Variants in TNXB observed in about 807,000 individuals in gnomAD.
TNXB encodes tenascin-X.
Under a neutral mutation model 340.5 loss-of-function variants are expected in TNXB, and 183 were observed. The ratio of observed to expected loss-of-function variants is 0.54; its 90% CI spans 0.48 to 0.61. The LOEUF (loss-of-function observed/expected upper bound fraction) is 0.61, where lower values mean the gene tolerates loss of function less well. TNXB is among the 20% of genes least tolerant of loss of function. TNXB has a pLI of 0.00. For missense variants in TNXB, 4,613 were observed against 5,446.4 expected, an observed-to-expected ratio of 0.85 and a Z score of 4.82; for synonymous variants, 2,121 against 2,314.5, an observed-to-expected ratio of 0.92 and a Z score of 2.40.
rs1240547018 is a variant in TNXB, at chr6:32,061,560, C to G, written c.7329G>C (p.Val2443=). The change falls in exon 21 of 44, where the codon GTG becomes GTC. Residue 2443 remains valine (V), a synonymous_variant. Transcript: ENST00000644971. This position sits in a 1 kb window ranked among gnomAD's most constrained non-coding sequence, Gnocchi z 4.4. ...VPQGRFDSFT[V]QYKDRDGRPQ... ...GCCGCCCGTCCCTGTCCTTGTACTG[C>G]ACGGTGAAGGAGTCGAAGCGGCCCT... 2.5e-6 allele frequency: 4 copies of G among 1,613,372 alleles called. No homozygotes were observed. In the African/African-American group the frequency reaches 5.3e-5, roughly 22 times the overall value.
chr6:32,071,526 C>T (rs1778770469), intron 13 of TNXB, among the ~76,000 whole-genome samples: 1 of 151,968 alleles, frequency 6.6e-6, no homozygotes, highest in East Asian at 1.9e-4. Flanking sequence ...GACAGCAGAC[C>T]CAGGAACTGG....
rs377701017 is a variant in TNXB at position 32,098,101 on chromosome 6, G to A, written c.98C>T (p.Thr33Ile). The A allele has an allele frequency of 3.7e-6, 6 of 1,604,470 alleles. No homozygotes were observed. Among genetic ancestry groups the A allele is most frequent in the Non-Finnish European group, 4.3e-6 (5 of 1,176,426 alleles). Residue 33 changes from threonine (T) to isoleucine (I), a missense_variant, in exon 2 of 44, where the codon ACA becomes ATA. This residue lies in a region of TNXB where 4,327 missense variants were observed against 4,859.4 expected (regional missense o/e 0.89). Transcript: ENST00000644971. Reference protein sequence around the residue: ...AGPFSSRSNVTLPAPRPPPQP... With the variant: ...AGPFSSRSNVILPAPRPPPQP... ...GGGAGGGGGCCGGGGGGCTGGCAGT[G>A]TCACATTGGACCGTGAAGAGAAGGG...
chr6:32,069,513 C>CT lies in TNXB; in HGVS notation c.5587+39_5587+40insA. ...GCTCAGTCAGACCAGGAGAGCCAGG[C>CT]GGGAAGGAGGCACAGGTGTTCCAGC... On this transcript the variant is annotated intron_variant, in intron 15 of 43. Coordinates refer to ENST00000644971, the MANE Select transcript of TNXB (RefSeq NM_001365276.2). This position sits in a 1 kb window ranked among gnomAD's most constrained non-coding sequence, Gnocchi z 6.2. 6.6e-7 allele frequency: 1 copy of CT among 1,515,556 alleles called. No individual in the cohort carries two copies. Among genetic ancestry groups the CT allele is most frequent in the Non-Finnish European group, 8.8e-7 (1 of 1,130,392 alleles). 93.9% of individuals were successfully genotyped at this position (1,515,556 alleles called of 1,614,324 possible).
Position 32,048,701 on chromosome 6 carries a change from G to A in TNXB, c.9758-51C>T, listed in dbSNP as rs1240040594. The A allele has an allele frequency of 8.0e-6, 11 of 1,375,016 alleles. No homozygotes were observed. In the South Asian group the frequency reaches 2.3e-4, roughly 28 times the overall value. 85.2% of individuals were successfully genotyped at this position (1,375,016 alleles called of 1,614,324 possible). A position where few individuals can be genotyped will look rare whatever the true frequency, so the allele number is the denominator to read the frequency against. ...GGTCAGGAGGCAGGACCCTGCGCAA[G>A]GGAGGCAGTGCTCTCCCAGGACTGG... On this transcript the variant is annotated intron_variant, in intron 28 of 43. Coordinates refer to ENST00000644971, the MANE Select transcript of TNXB (RefSeq NM_001365276.2).
chr6:32,049,202 A>C lies in TNXB; in HGVS notation c.9757+68T>G. The C allele has an allele frequency of 6.6e-7, 1 of 1,525,458 alleles. No individual in the cohort carries two copies. The highest frequency in any genetic ancestry group is 8.8e-7 in the Non-Finnish European group (1 of 1,136,534). 94.5% of individuals were successfully genotyped at this position (1,525,458 alleles called of 1,614,324 possible). A position where few individuals can be genotyped will look rare whatever the true frequency, so the allele number is the denominator to read the frequency against. On this transcript the variant is annotated intron_variant, in intron 28 of 43. Coordinates refer to ENST00000644971, the MANE Select transcript of TNXB (RefSeq NM_001365276.2). The surrounding 1 kb of genome is among the most constrained non-coding windows in gnomAD (Gnocchi z 4.5). ...AGGCCCAGTCAAAAGAGGTGCCAAG[A>C]TCCAAAGGAGAAACACAAGGGGGCT...
rs371383086 is a variant in TNXB, at chr6:32,058,629, CAT to C, written c.7493-241_7493-240del. Among the ~76,000 whole-genome samples the C allele has an allele frequency of 6.2e-3, 946 of 151,996 alleles. 21 individuals carry two copies. The highest frequency in any genetic ancestry group is 0.019 in the South Asian group (90 of 4,824). On this transcript the variant is annotated intron_variant, in intron 21 of 43. Transcript: ENST00000644971. This position sits in a 1 kb window ranked among gnomAD's most constrained non-coding sequence, Gnocchi z 5.1. ...AGAAACCTCCAGAAGGCAACTGAGACATAGTGTCAGGAGCCAAAGTAATTCTC... is the reference window on the plus strand; with the variant it reads ...AGAAACCTCCAGAAGGCAACTGAGACAGTGTCAGGAGCCAAAGTAATTCTC...
chr6:32,049,291 C>T lies in TNXB; in HGVS notation c.9736G>A (p.Val3246Met), dbSNP rs550641419. Reference sequence around the variant, plus strand: ...TCACCCGTGATGCCCACGGTGGACACTGGGCCCACGCGCTGCCCCTCGTGG... The same window carrying T: ...TCACCCGTGATGCCCACGGTGGACATTGGGCCCACGCGCTGCCCCTCGTGG... ...GLHEGQRVGP[V>M]STVGITAPLP... The change falls in exon 28 of 44, where the codon GTG (valine) becomes ATG (methionine). Residue 3246 changes from valine to methionine, a missense_variant. Around this residue, in one of 7 missense-constraint regions of TNXB, gnomAD observed 4,327 missense variants for 4,859.4 expected, o/e 0.89. Transcript: ENST00000644971. This position sits in a 1 kb window ranked among gnomAD's most constrained non-coding sequence, Gnocchi z 4.5. The T allele has an allele frequency of 1.2e-6, 2 of 1,611,842 alleles. No homozygotes were observed. Among genetic ancestry groups the T allele is most frequent in the African/African-American group, 2.7e-5 (2 of 75,002 alleles).
At chr6:32,102,692 C>T (rs1290571414) in intron 1 of TNXB, among the ~76,000 whole-genome samples, 2 of 151,878 alleles carry the variant, frequency 1.3e-5, no homozygotes, top group East Asian at 1.9e-4. Context: ...GAAGCCGAGG[C>T]GGGCGGATCA....
intron 29 of TNXB, 137 bp from the exon 30 acceptor site, chr6:32,048,149 C>A (rs1777021131): frequency 2.5e-6 from 3 of 1,221,186 alleles, no homozygotes; most frequent in South Asian, 1.5e-5. Flanking sequence ...AAAAGAGGAG[C>A]CAGACAAGAA....
Position 32,047,875 on chromosome 6 carries a change from G to A in TNXB, c.10183C>T (p.Arg3395Trp), listed in dbSNP as rs762744408. The change falls in exon 30 of 44, where the codon CGG becomes TGG. Residue 3395 changes from arginine to tryptophan, a missense_variant. Around this residue, in one of 7 missense-constraint regions of TNXB, gnomAD observed 4,327 missense variants for 4,859.4 expected, o/e 0.89. Coordinates refer to ENST00000644971, the MANE Select transcript of TNXB (RefSeq NM_001365276.2). This position sits in a 1 kb window ranked among gnomAD's most constrained non-coding sequence, Gnocchi z 6.2. ...GCTGCCACCGGCACCACCTGGAGCCGACCATCCTTATCCTTGTACTGGACC... is the reference window on the plus strand; with the variant it reads ...GCTGCCACCGGCACCACCTGGAGCCAACCATCCTTATCCTTGTACTGGACC... Reference protein sequence around the residue: ...FVVQYKDKDGRLQVVPVAANQ... With the variant: ...FVVQYKDKDGWLQVVPVAANQ... The A allele has an allele frequency of 9.9e-6, 16 of 1,612,240 alleles. No homozygotes were observed. Among genetic ancestry groups the A allele is most frequent in the African/African-American group, 6.7e-5 (5 of 74,914 alleles).
Position 32,074,016 on chromosome 6 carries a change from T to C in TNXB, c.4376-64A>G. On this transcript the variant is annotated intron_variant, in intron 11 of 43. Transcript: ENST00000644971. This position sits in a 1 kb window ranked among gnomAD's most constrained non-coding sequence, Gnocchi z 5.5. ...CCCCTTTTCTTATAGTAATGATGTC[T>C]AGTTATTTATTTTTTATTTTTTATT... 1 of 1,342,084 alleles carries C rather than the reference T, an allele frequency of 7.5e-7. No individual in the cohort carries two copies. The highest frequency in any genetic ancestry group is 9.9e-7 in the Non-Finnish European group (1 of 1,005,456). The allele number at this position is 1,342,084 out of a possible 1,614,324, so 83.1% of individuals were successfully genotyped here. A position where few individuals can be genotyped will look rare whatever the true frequency, so the allele number is the denominator to read the frequency against.
rs1384044162 is a variant in TNXB at position 32,043,892 on chromosome 6, C to A, written c.11387G>T (p.Gly3796Val). Residue 3796 changes from glycine to valine, a missense_variant and splice_region_variant, in exon 35 of 44, where the codon GGG (glycine) becomes GTG (valine). Physicochemically the swap from Gly to Val is moderately radical, Grantham distance 109. This residue lies in a region of TNXB where 14 missense variants were observed against 33.4 expected (regional missense o/e 0.42). Transcript: ENST00000644971. The part of the protein sequence containing the change: ...FKVSYQLADG[G>V]EPQSVQVDGQ... ...ATCCACCTGCACACTCTGAGGCTCC[C>A]CTGAAAACATTGGGGATCGAGGGTT... The A allele has an allele frequency of 1.9e-6, 3 of 1,613,634 alleles. No homozygotes were observed. Among genetic ancestry groups the A allele is most frequent in the Non-Finnish European group, 2.5e-6 (3 of 1,179,988 alleles).
In TNXB at chr6:32,097,011, G is replaced by A. The variant is rs749047036; in HGVS notation, c.842C>T (p.Pro281Leu). Residue 281 changes from proline to leucine, a missense_variant, in exon 3 of 44, where the codon CCT becomes CTT. This residue lies in a region of TNXB where 4,327 missense variants were observed against 4,859.4 expected (regional missense o/e 0.89). Coordinates refer to ENST00000644971, the MANE Select transcript of TNXB (RefSeq NM_001365276.2). This position sits in a 1 kb window ranked among gnomAD's most constrained non-coding sequence, Gnocchi z 5.9. ...GCGCCCCCTCTGACTGCAACCGCGA[G>A]GGCAGCTCCTCATGCCACAGTCGTC... ...TGDDCGMRSC[P>L]RGCSQRGRCE... The A allele has an allele frequency of 1.9e-6, 3 of 1,613,142 alleles. No individual in the cohort carries two copies. The African/African-American group carries it at 4.0e-5, about 22-fold the overall frequency.
In TNXB at chr6:32,061,319, C is replaced by G. The variant is rs1203720538; in HGVS notation, c.7492+78G>C. The G allele has an allele frequency of 3.9e-6, 6 of 1,556,626 alleles. 1 individual carries two copies. The African/African-American group carries it at 8.3e-5, about 21-fold the overall frequency. ...AGGAGACAAGTCTGGACCCACAGGG[C>G]TTGGTGAAAGGGCACAGCAGTAAAC... On this transcript the variant is annotated intron_variant, in intron 21 of 43. Coordinates refer to ENST00000644971, the MANE Select transcript of TNXB (RefSeq NM_001365276.2). This position sits in a 1 kb window ranked among gnomAD's most constrained non-coding sequence, Gnocchi z 4.4.
Position 32,052,814 on chromosome 6 carries a change from C to T in TNXB, c.8971G>A (p.Gly2991Arg), listed in dbSNP as rs371159200. The change falls in exon 26 of 44, where the codon GGG becomes AGG. Residue 2991 changes from glycine to arginine, a missense_variant. Physicochemically the swap from Gly to Arg is moderately radical, Grantham distance 125. Coordinates refer to ENST00000644971, the MANE Select transcript of TNXB (RefSeq NM_001365276.2). The surrounding 1 kb of genome is among the most constrained non-coding windows in gnomAD (Gnocchi z 4.7). ...CTGACACGCACCACCTGGGGCCGCC[C>T]GTCCCTGTCCTTGTACTGCACAGTG... ...SFTVQYKDRD[G>R]RPQVVRVRGE... 4.0e-5 allele frequency: 65 copies of T among 1,613,724 alleles called. No homozygotes were observed. Among genetic ancestry groups the T allele is most frequent in the Non-Finnish European group, 5.0e-5 (59 of 1,179,884 alleles).
At chr6:32,057,028 C>A in intron 22 of TNXB, 125 bp from the exon 23 acceptor site, 1 of 1,233,246 alleles carries the variant, frequency 8.1e-7, no homozygotes. Context: ...GCCCCTCCAG[C>A]ACAGCTCTTC....
chr6:32,050,539 G>A (rs1306735138), intron 26 of TNXB, among the ~76,000 whole-genome samples: 2 of 145,546 alleles, frequency 1.4e-5, no homozygotes, highest in African/African-American at 5.1e-5. Flanking sequence ...CAACACCCAG[G>A]CCACCTCTCC....
In TNXB at chr6:32,081,331, GC is replaced by G. The variant is rs759282555; in HGVS notation, c.4042+36del. 1.2e-4 allele frequency: 182 copies of G among 1,509,820 alleles called. No homozygotes were observed. Among genetic ancestry groups the G allele is most frequent in the Non-Finnish European group, 1.6e-4 (178 of 1,120,404 alleles). The allele number at this position is 1,509,820 out of a possible 1,614,324, so 93.5% of individuals were successfully genotyped here. A position where few individuals can be genotyped will look rare whatever the true frequency, so the allele number is the denominator to read the frequency against. ...AGCCAAGTCCCGCTCACAGGATGGG[GC>G]TAGCAGGGGAGGGAGGCCTGGCAGC... On this transcript the variant is annotated intron_variant, in intron 10 of 43. Transcript: ENST00000644971. This position sits in a 1 kb window ranked among gnomAD's most constrained non-coding sequence, Gnocchi z 5.1.
Position 32,074,072 on chromosome 6 carries a change from C to T in TNXB, c.4376-120G>A. 2.0e-6 allele frequency: 2 copies of T among 977,270 alleles called. No individual in the cohort carries two copies. Among genetic ancestry groups the T allele is most frequent in the Non-Finnish European group, 2.9e-6 (2 of 697,104 alleles). The allele number at this position is 977,270 out of a possible 1,614,324, so 60.5% of individuals were successfully genotyped here. On this transcript the variant is annotated intron_variant, in intron 11 of 43. Coordinates refer to ENST00000644971, the MANE Select transcript of TNXB (RefSeq NM_001365276.2). This position sits in a 1 kb window ranked among gnomAD's most constrained non-coding sequence, Gnocchi z 5.5. ...GATGGAGTCTCGCTGTCACCCAGAG[C>T]AGTGGGCGACCTCGGCTCACTGCAG...
Sources: allele counts gnomAD v4.1 joint callset (sites outside exome capture counted in the v4.1 genomes callset), GRCh38; gene constraint gnomAD v4.1.1; regional missense constraint gnomAD v4.1.1; non-coding constraint Gnocchi (gnomAD v3.1); transcripts MANE v1.5; gene names NCBI Gene and HGNC (gene_info 2026-07-23, HGNC 2026-07-21).